DCHS1: variants seen among roughly 807,000 people sequenced by gnomAD.
DCHS1 encodes dachsous cadherin-related 1.
A neutral mutation model predicts 213.9 loss-of-function variants in DCHS1; 78 were observed. The ratio of observed to expected loss-of-function variants is 0.36; its 90% CI spans 0.30 to 0.44. DCHS1 has a LOEUF of 0.44. Among genes scored for constraint, DCHS1 ranks in the 20% least tolerant of loss-of-function variants. The pLI is 1.00. For synonymous variants in DCHS1, 1,828 were observed against 1,873.7 expected (o/e 0.98, Z 0.63); for missense variants, 3,946 against 4,395.9 (o/e 0.90, Z 2.89).
At position 6,631,601 on chromosome 11, in the gene DCHS1, T is replaced by C; in HGVS notation, c.3675+15A>G. 4.5e-6 allele frequency: 7 copies of C among 1,562,336 alleles called. No individual in the cohort carries two copies. The highest frequency in any genetic ancestry group is 6.1e-6 in the Non-Finnish European group (7 of 1,152,900). ...TCTCACACTTCTCAGGACAAAGTCC[T>C]GCCACTTCACATACCTGTATAGGGA... On this transcript the variant is annotated intron_variant, in intron 7 of 20. Transcript: ENST00000299441.
chr11:6,651,653 G>A (rs1856243915), intron 1 of DCHS1, among the ~76,000 whole-genome samples: 1 of 152,178 alleles, frequency 6.6e-6, no homozygotes, highest in African/African-American at 2.4e-5. Context: ...GTGAAAAGAT[G>A]GTAGATGAGG....
At position 6,627,192 on chromosome 11, in the gene DCHS1, C is replaced by T. The variant is rs532399859; in HGVS notation, c.5847G>A (p.Thr1949=). 7.3e-5 allele frequency: 118 copies of T among 1,612,850 alleles called. No individual in the cohort carries two copies. The highest frequency in any genetic ancestry group is 9.4e-5 in the Non-Finnish European group (111 of 1,179,684). Residue 1949 remains threonine (T), a synonymous_variant, in exon 14 of 21, where the codon ACG becomes ACA. Transcript: ENST00000299441. This position sits in a 1 kb window ranked among gnomAD's most constrained non-coding sequence, Gnocchi z 5.4. ...PLSTTVSVTI[T]VRDVNDHAPT... is the part of the protein sequence containing the mutation. ...GTGCATGGTCATTGACATCGCGCACCGTGATGGTGACAGACACTGTGGTGC... is the reference window on the plus strand; with the variant it reads ...GTGCATGGTCATTGACATCGCGCACTGTGATGGTGACAGACACTGTGGTGC...
intron 1 of DCHS1, among the ~76,000 whole-genome samples, chr11:6,650,287 C>T (rs1489100141): frequency 6.6e-6 from 1 of 152,174 alleles, no homozygotes; most frequent in African/African-American, 2.4e-5. Flanking sequence ...TCCAGGTGGA[C>T]CTCCTGGAGG....
In DCHS1 at chr11:6,641,809, C is replaced by T; in HGVS notation, c.-120-76G>A. 1.6e-6 allele frequency: 2 copies of T among 1,265,440 alleles called. No homozygotes were observed. Among genetic ancestry groups the T allele is most frequent in the East Asian group, 2.6e-5 (1 of 39,044 alleles). 78.4% of individuals were successfully genotyped at this position (1,265,440 alleles called of 1,614,324 possible). Reference sequence around the variant, plus strand: ...CCAGATAACCTGGACGAGGCCACATCAACATTCAGATATGCTCAGCCCCCA... The same window carrying T: ...CCAGATAACCTGGACGAGGCCACATTAACATTCAGATATGCTCAGCCCCCA... On this transcript the variant is annotated intron_variant, in intron 1 of 20. Coordinates refer to ENST00000299441, the MANE Select transcript of DCHS1 (RefSeq NM_003737.4). The surrounding 1 kb of genome is among the most constrained non-coding windows in gnomAD (Gnocchi z 7.1).
chr11:6,634,035 A>T lies in DCHS1; in HGVS notation c.1987-15T>A. On this transcript the variant is annotated splice_polypyrimidine_tract_variant and intron_variant, in intron 3 of 20. Transcript: ENST00000299441. ...TTGAGGCCTCCCTGGTGGGACATGCAGCCATAGGTCAGGTGGGCCTCATCT... is the reference window on the plus strand; with the variant it reads ...TTGAGGCCTCCCTGGTGGGACATGCTGCCATAGGTCAGGTGGGCCTCATCT... 6.2e-7 allele frequency: 1 copy of T among 1,612,360 alleles called. No individual in the cohort carries two copies. Among genetic ancestry groups the T allele is most frequent in the Non-Finnish European group, 8.5e-7 (1 of 1,178,962 alleles).
In DCHS1 at chr11:6,639,803, C is replaced by T. The variant is rs953733810; in HGVS notation, c.1797+14G>A. 1.3e-6 allele frequency: 2 copies of T among 1,573,252 alleles called. No individual in the cohort carries two copies. The highest frequency in any genetic ancestry group is 1.2e-5 in the South Asian group (1 of 84,448). ...TCCCCCAACACTATCTTGCTATGTG[C>T]CAGGCCTACCCACCTGCAGGAAGCA... On this transcript the variant is annotated intron_variant, in intron 2 of 20. Coordinates refer to ENST00000299441, the MANE Select transcript of DCHS1 (RefSeq NM_003737.4).
chr11:6,623,489 A>C lies in DCHS1; in HGVS notation c.8187T>G (p.His2729Gln), dbSNP rs1386228503. The C allele has an allele frequency of 1.9e-6, 3 of 1,592,902 alleles. No homozygotes were observed. The highest frequency in any genetic ancestry group is 2.6e-6 in the Non-Finnish European group (3 of 1,169,862). ...QPPGTLVTTL[H>Q]AIDGDAGAFG... Reference sequence around the variant, plus strand: ...AAGCCCCAGCATCCCCGTCGATTGCATGCAGAGTGGTCACGAGAGTGCCTG... The same window carrying C: ...AAGCCCCAGCATCCCCGTCGATTGCCTGCAGAGTGGTCACGAGAGTGCCTG... The change falls in exon 21 of 21, where the codon CAT becomes CAG. Residue 2729 changes from histidine to glutamine, a missense_variant. His to Gln is a conservative substitution (Grantham distance 24). Transcript: ENST00000299441.
In DCHS1 at chr11:6,630,245, C is replaced by G. The variant is rs1419360225; in HGVS notation, c.4549G>C (p.Asp1517His). 1 of 1,546,958 alleles carries G rather than the reference C, an allele frequency of 6.5e-7. No homozygotes were observed. The highest frequency in any genetic ancestry group is 8.7e-7 in the Non-Finnish European group (1 of 1,149,406). Reference sequence around the variant, plus strand: ...CGGCGGCTGGCGTTGGCGGGCCGGTCGGTGGCTTCCACCAGCAGCAGCAGC... The same window carrying G: ...CGGCGGCTGGCGTTGGCGGGCCGGTGGGTGGCTTCCACCAGCAGCAGCAGC... ...PALLLLVEAT[D>H]RPANASRRRA... The change falls in exon 10 of 21, where the codon GAC (aspartate) becomes CAC (histidine). Residue 1517 changes from aspartate (D) to histidine (H), a missense_variant. Coordinates refer to ENST00000299441, the MANE Select transcript of DCHS1 (RefSeq NM_003737.4).
At position 6,640,265 on chromosome 11, in the gene DCHS1, G is replaced by A. The variant is rs985892268; in HGVS notation, c.1349C>T (p.Pro450Leu). 1.9e-6 allele frequency: 3 copies of A among 1,610,110 alleles called. No individual in the cohort carries two copies. Among genetic ancestry groups the A allele is most frequent in the Middle Eastern group, 1.7e-4 (1 of 6,058 alleles). The change falls in exon 2 of 21, where the codon CCT becomes CTT. Residue 450 changes from proline to leucine, a missense_variant. This residue lies in a region of DCHS1 where 3,384 missense variants were observed against 3,780.1 expected (regional missense o/e 0.90). Transcript: ENST00000299441. This position sits in a 1 kb window ranked among gnomAD's most constrained non-coding sequence, Gnocchi z 6.5. ...LRVTATDSGS[P>L]PLRAEAAFVL... Reference sequence around the variant, plus strand: ...AAAGGCAGCCTCAGCCCGCAGTGGAGGTGAGCCTGAGTCTGTGGCTGTAAC... The same window carrying A: ...AAAGGCAGCCTCAGCCCGCAGTGGAAGTGAGCCTGAGTCTGTGGCTGTAAC...
chr11:6,630,585 G>A lies in DCHS1; in HGVS notation c.4209C>T (p.Arg1403=), dbSNP rs1444139579. The A allele has an allele frequency of 1.9e-6, 3 of 1,539,550 alleles. No individual in the cohort carries two copies. The highest frequency in any genetic ancestry group is 2.6e-6 in the Non-Finnish European group (3 of 1,150,174). The part of the protein sequence containing the change: ...PLDFEAGPPW[R]ALTVRAEGPG... ...GCCCCTCAGCGCGTACCGTAAGCGC[G>A]CGCCACGGCGGGCCAGCTTCGAAGT... Residue 1403 remains arginine, a synonymous_variant, in exon 10 of 21, where the codon CGC becomes CGT. Transcript: ENST00000299441.
In DCHS1 at chr11:6,633,923, C is replaced by T; in HGVS notation, c.2084G>A (p.Ser695Asn). The T allele has an allele frequency of 1.2e-6, 2 of 1,614,004 alleles. No individual in the cohort carries two copies. The highest frequency in any genetic ancestry group is 1.7e-6 in the Non-Finnish European group (2 of 1,179,880). Residue 695 changes from serine to asparagine, a missense_variant, in exon 4 of 21, where the codon AGT becomes AAT. Physicochemically the swap from Ser to Asn is conservative, Grantham distance 46. This residue lies in a region of DCHS1 where 3,384 missense variants were observed against 3,780.1 expected (regional missense o/e 0.90). Coordinates refer to ENST00000299441, the MANE Select transcript of DCHS1 (RefSeq NM_003737.4). ...FYPREYAASI[S>N]AQSPPGTAVL... ...AGCTGTGCCTGGTGGACTCTGGGCA[C>T]TTATACTGGCAGCATACTCCCGTGG...
chr11:6,623,570 A>C lies in DCHS1; in HGVS notation c.8106T>G (p.His2702Gln), dbSNP rs72911012. The change falls in exon 21 of 21, where the codon CAT becomes CAG. Residue 2702 changes from histidine (H) to glutamine (Q), a missense_variant. Physicochemically the swap from His to Gln is conservative, Grantham distance 24 (BLOSUM62 0). Coordinates refer to ENST00000299441, the MANE Select transcript of DCHS1 (RefSeq NM_003737.4). ...GTAAGTTCAGTGGGAAGGCTGGGCC[A>C]TGATCATTCACATCCTGGACCTCAA... ...VTIEVQDVND[H>Q]GPAFPLNLLS... The C allele has an allele frequency of 2.6e-5, 42 of 1,613,538 alleles. No individual in the cohort carries two copies. Among genetic ancestry groups the C allele is most frequent in the Non-Finnish European group, 3.6e-5 (42 of 1,179,774 alleles).
In DCHS1 at chr11:6,630,668, C is replaced by G; in HGVS notation, c.4126G>C (p.Glu1376Gln). Residue 1376 changes from glutamate (E) to glutamine (Q), a missense_variant, in exon 10 of 21, where the codon GAG (glutamate) becomes CAG (glutamine). By Grantham distance (29) the Glu-to-Gln change is conservative. Transcript: ENST00000299441. ...TYTLVGGADPEGTFALDAASG... is the reference protein window; with the variant it reads ...TYTLVGGADPQGTFALDAASG... ...GCCGCATCCAGCGCGAAGGTGCCCT[C>G]GGGATCGGCACCGCCCACCAGTGTG... is the stretch of plus-strand genomic sequence containing the variant. 1 of 1,532,630 alleles carries G rather than the reference C, an allele frequency of 6.5e-7. No individual in the cohort carries two copies. Among genetic ancestry groups the G allele is most frequent in the Non-Finnish European group, 8.8e-7 (1 of 1,141,262 alleles). 94.9% of individuals were successfully genotyped at this position (1,532,630 alleles called of 1,614,324 possible). A position where few individuals can be genotyped will look rare whatever the true frequency, so the allele number is the denominator to read the frequency against.
In DCHS1 at chr11:6,634,030, C is replaced by T. The variant is rs765707738; in HGVS notation, c.1987-10G>A. The T allele has an allele frequency of 1.2e-5, 19 of 1,612,534 alleles. No homozygotes were observed. The South Asian group carries it at 1.9e-4, about 16-fold the overall frequency. ...TGGACTTGAGGCCTCCCTGGTGGGA[C>T]ATGCAGCCATAGGTCAGGTGGGCCT... On this transcript the variant is annotated splice_polypyrimidine_tract_variant and intron_variant, in intron 3 of 20. Coordinates refer to ENST00000299441, the MANE Select transcript of DCHS1 (RefSeq NM_003737.4).
chr11:6,634,794 A>AG (rs1022243298), intron 2 of DCHS1: 3 of 152,168 alleles, frequency 2.0e-5, no homozygotes, highest in Admixed American at 2.0e-4. Flanking sequence ...AAAAAGTTGC[A>AG]GTAAATAGAC....
rs201627360 is a variant in DCHS1, at chr11:6,632,496, G to A, written c.3016C>T (p.Arg1006Cys). The A allele has an allele frequency of 5.2e-5, 82 of 1,571,316 alleles. No homozygotes were observed. Among genetic ancestry groups the A allele is most frequent in the African/African-American group, 1.1e-4 (8 of 74,036 alleles). Residue 1006 changes from arginine to cysteine, a missense_variant, in exon 6 of 21, where the codon CGT becomes TGT. By Grantham distance (180) the Arg-to-Cys change is radical. Transcript: ENST00000299441. This position sits in a 1 kb window ranked among gnomAD's most constrained non-coding sequence, Gnocchi z 5.9. ...LAPRFNSPTY[R>C]VDLPSGTTAG... ...GTGGTGCCTGAGGGCAGGTCCACAC[G>A]GTAGGTAGGGCTGTTGAATCGGGGA...
chr11:6,634,836 G>T, intron 2 of DCHS1: 1 of 152,284 alleles, frequency 6.6e-6, no homozygotes. Context: ...AAGCATGAGA[G>T]CCCAAATGAG....
chr11:6,639,783 C>G (rs1414871399), intron 2 of DCHS1, 34 bp downstream of exon 2: 2 of 1,533,470 alleles, frequency 1.3e-6, no homozygotes, highest in South Asian at 2.5e-5. Context: ...CAGATTCCCC[C>G]AACACTATCT....
chr11:6,629,475 T>A lies in DCHS1; in HGVS notation c.5138A>T (p.Glu1713Val), dbSNP rs760782760. 6.2e-7 allele frequency: 1 copy of A among 1,612,954 alleles called. No homozygotes were observed. The highest frequency in any genetic ancestry group is 1.3e-5 in the African/African-American group (1 of 74,908). Residue 1713 changes from glutamate to valine, a missense_variant, in exon 12 of 21, where the codon GAA becomes GTA. By Grantham distance (121) the Glu-to-Val change is moderately radical. Around this residue, in one of 3 missense-constraint regions of DCHS1, gnomAD observed 3,384 missense variants for 3,780.1 expected, o/e 0.90. Coordinates refer to ENST00000299441, the MANE Select transcript of DCHS1 (RefSeq NM_003737.4). ...LTTLRALDRE[E>V]QEEINLTVYA... ...ACCTGTCAGGTTGATCTCCTCCTGT[T>A]CCTCTCGATCCAGGGCCCGAAGAGT... is the stretch of plus-strand genomic sequence containing the variant.
Sources: allele counts gnomAD v4.1 joint callset (sites outside exome capture counted in the v4.1 genomes callset), GRCh38; gene constraint gnomAD v4.1.1; regional missense constraint gnomAD v4.1.1; non-coding constraint Gnocchi (gnomAD v3.1); transcripts MANE v1.5; gene names NCBI Gene and HGNC (gene_info 2026-07-23, HGNC 2026-07-21).